The following CCBE1 variants were observed in gnomAD, a reference collection of about 807,000 sequenced individuals.
The protein encoded by CCBE1 is collagen and calcium-binding EGF domain-containing protein 1.
In CCBE1, 37 loss-of-function variants were observed where a neutral mutation model predicts 50.0. The ratio of observed to expected loss-of-function variants is 0.74; its 90% confidence interval spans 0.57 to 0.97. The LOEUF (loss-of-function observed/expected upper bound fraction) is 0.97. Among genes scored for constraint, CCBE1 ranks in the 50% least tolerant of loss-of-function variants. The pLI is 0.00. For missense variants in CCBE1, 538 were observed against 523.8 expected (o/e 1.03, Z -0.26); for synonymous variants, 234 against 203.7 (o/e 1.15, Z -1.27).
intron 7 of CCBE1, 130 bp downstream of exon 7, chr18:59,447,853 G>A (rs1910750821): frequency 7.2e-7 from 1 of 1,393,628 alleles, no homozygotes; most frequent in Admixed American, 1.7e-5. Flanking sequence ...GTGTGTGGCA[G>A]TCCCATGGAC....
chr18:59,595,962 A>G (rs1281229766), intron 2 of CCBE1, among the ~76,000 whole-genome samples: 1 of 152,238 alleles, frequency 6.6e-6, no homozygotes, highest in Non-Finnish European at 1.5e-5. Flanking sequence ...GAAAATGTCC[A>G]TTTTTAAAAA....
chr18:59,656,300 A>G (rs2054188343), intron 2 of CCBE1, among the ~76,000 whole-genome samples: 1 of 152,252 alleles, frequency 6.6e-6, no homozygotes, highest in Admixed American at 6.5e-5. Context: ...AAGAAAGTAT[A>G]TTTTGTACTA....
intron 2 of CCBE1, among the ~76,000 whole-genome samples, chr18:59,543,846 A>AAAAAAAAAAG (rs1915574299): frequency 2.1e-5 from 3 of 140,582 alleles, no homozygotes; most frequent in South Asian, 2.2e-4. Flanking sequence ...AAAAAAAAAA[A>AAAAAAAAAAG]AAAAAAAAAA....
chr18:59,549,429 T>A (rs1195712124), intron 2 of CCBE1, among the ~76,000 whole-genome samples: 1 of 152,088 alleles, frequency 6.6e-6, no homozygotes, highest in East Asian at 1.9e-4. Flanking sequence ...TAAAAACAGG[T>A]CCCCCAACGC....
chr18:59,609,243 C>G (rs1254117717), intron 2 of CCBE1, among the ~76,000 whole-genome samples: 1 of 152,180 alleles, frequency 6.6e-6, no homozygotes, highest in Non-Finnish European at 1.5e-5. Context: ...TGGCTTCAAC[C>G]ACCATTCATA....
intron 2 of CCBE1, among the ~76,000 whole-genome samples, chr18:59,481,002 C>A (rs1454850341): frequency 6.6e-6 from 1 of 152,136 alleles, no homozygotes; most frequent in Non-Finnish European, 1.5e-5. Context: ...AAAGAGAAGA[C>A]AATCAATGCT....
At chr18:59,553,372 G>C (rs911880628) in intron 2 of CCBE1, among the ~76,000 whole-genome samples, 2 of 152,186 alleles carry the variant, frequency 1.3e-5, no homozygotes, top group Non-Finnish European at 1.5e-5. Context: ...GACCCTGAGA[G>C]GTTGTTACAG....
chr18:59,691,371 C>T (rs1223085996), intron 2 of CCBE1, among the ~76,000 whole-genome samples: 2 of 150,944 alleles, frequency 1.3e-5, no homozygotes, highest in Non-Finnish European at 3.0e-5. Flanking sequence ...CCACCTCCAA[C>T]TAGCCCCTGC....
chr18:59,560,118 A>T (rs1599013558), intron 2 of CCBE1, among the ~76,000 whole-genome samples: 1 of 152,354 alleles, frequency 6.6e-6, no homozygotes, highest in East Asian at 1.9e-4. Flanking sequence ...CAAGGCTGGA[A>T]CAGCCTTTCT....
At chr18:59,690,962 C>T (rs1431209823) in intron 2 of CCBE1, among the ~76,000 whole-genome samples, 2 of 152,198 alleles carry the variant, frequency 1.3e-5, no homozygotes, top group African/African-American at 4.8e-5. Flanking sequence ...ACCTGTTACA[C>T]ATTAGCAATT....
intron 2 of CCBE1, among the ~76,000 whole-genome samples, chr18:59,521,312 T>A (rs1158234211): frequency 6.6e-6 from 1 of 152,240 alleles, no homozygotes; most frequent in Non-Finnish European, 1.5e-5. Context: ...TCAACACAAC[T>A]GTGTTTTCAG....
chr18:59,682,058 G>A (rs1450501611), intron 2 of CCBE1, among the ~76,000 whole-genome samples: 2 of 152,144 alleles, frequency 1.3e-5, no homozygotes. Flanking sequence ...GGAGAGGGTA[G>A]GTCATTAAAA....
At chr18:59,533,029 G>A (rs1915111400) in intron 2 of CCBE1, among the ~76,000 whole-genome samples, 1 of 152,108 alleles carries the variant, frequency 6.6e-6, no homozygotes, top group African/African-American at 2.4e-5. Flanking sequence ...GCAAAGTATT[G>A]CATTTGATTA....
chr18:59,535,243 G>A (rs1289069380), intron 2 of CCBE1, among the ~76,000 whole-genome samples: 1 of 152,162 alleles, frequency 6.6e-6, no homozygotes, highest in Non-Finnish European at 1.5e-5. Flanking sequence ...CTGTGCTGGA[G>A]GCTTGACAAG....
At chr18:59,664,458 A>G (rs1216094926) in intron 2 of CCBE1, among the ~76,000 whole-genome samples, 1 of 152,174 alleles carries the variant, frequency 6.6e-6, no homozygotes, top group Non-Finnish European at 1.5e-5. Flanking sequence ...TAAACAGAGG[A>G]GAGACATGCT....
At chr18:59,536,089 C>A (rs1915236641) in intron 2 of CCBE1, among the ~76,000 whole-genome samples, 3 of 152,168 alleles carry the variant, frequency 2.0e-5, no homozygotes, top group Admixed American at 2.0e-4. Context: ...TTATGATATT[C>A]TTTAACATTT....
At chr18:59,603,653 C>T (rs1383174163) in intron 2 of CCBE1, among the ~76,000 whole-genome samples, 6 of 152,204 alleles carry the variant, frequency 3.9e-5, no homozygotes, top group Non-Finnish European at 4.4e-5. Context: ...GCATTATCTT[C>T]CTACTACAAA....
chr18:59,604,175 G>C (rs1199293629), intron 2 of CCBE1, among the ~76,000 whole-genome samples: 1 of 152,232 alleles, frequency 6.6e-6, no homozygotes, highest in Non-Finnish European at 1.5e-5. Context: ...CCCCATAAGA[G>C]CTTCGCTGAC....
At chr18:59,569,582 C>T (rs2052878509) in intron 2 of CCBE1, among the ~76,000 whole-genome samples, 1 of 151,712 alleles carries the variant, frequency 6.6e-6, no homozygotes, top group African/African-American at 2.4e-5. Flanking sequence ...TTCTTTTTTA[C>T]ACAATGTTGA....
Sources: gnomAD v4.1 joint callset for allele counts (sites outside exome capture counted in the v4.1 genomes callset) on GRCh38, gnomAD v4.1.1 for gene constraint, MANE v1.5 for transcripts, NCBI Gene and HGNC (gene_info 2026-07-23, HGNC 2026-07-21) for gene names.